PASK: variants seen among roughly 807,000 people sequenced by gnomAD.
PASK encodes PAS domain containing serine/threonine kinase.
In PASK, 110 loss-of-function variants were observed where a neutral mutation model predicts 121.0. The ratio of observed to expected loss-of-function variants is 0.91; its 90% confidence interval spans 0.78 to 1.06. The LOEUF (loss-of-function observed/expected upper bound fraction) is 1.06. Among genes scored for constraint, PASK ranks in the 50% least tolerant of loss-of-function variants. PASK has a pLI of 0.00. For synonymous variants in PASK, 686 were observed against 717.8 expected (o/e 0.96, Z 0.71); for missense variants, 1,643 against 1,702.3 (o/e 0.97, Z 0.61).
At position 241,112,235 on chromosome 2, in the gene PASK, C is replaced by A. The variant is rs557752570; in HGVS notation, c.3533+5G>T. On this transcript the variant is annotated splice_donor_5th_base_variant and intron_variant, in intron 15 of 17. Transcript: ENST00000234040. The surrounding 1 kb of genome is among the most constrained non-coding windows in gnomAD (Gnocchi z 5.2). ...GGACGGGCCGCACCGCAGCCGCATACGTACGGATTCCCCATGAGAACTTCC... is the reference window on the plus strand; with the variant it reads ...GGACGGGCCGCACCGCAGCCGCATAAGTACGGATTCCCCATGAGAACTTCC... 1 of 1,609,536 alleles carries A rather than the reference C, an allele frequency of 6.2e-7. No homozygotes were observed. Among genetic ancestry groups the A allele is most frequent in the Admixed American group, 1.7e-5 (1 of 59,986 alleles).
chr2:241,149,760 C>T (rs2067196497), upstream of PASK: 4 of 1,539,742 alleles, frequency 2.6e-6, no homozygotes, highest in Non-Finnish European at 2.6e-6. Context: ...AGGCGGAGGA[C>T]GCGGGGCGGC....
At chr2:241,107,983 A>T (rs2064956859) in intron 16 of PASK, among the ~76,000 whole-genome samples, 184 bp downstream of exon 16, 1 of 152,254 alleles carries the variant, frequency 6.6e-6, no homozygotes, top group African/African-American at 2.4e-5. Flanking sequence ...AAAGAGGAAC[A>T]TTAACAAAAA....
chr2:241,116,674 T>C (rs772096707), intron 12 of PASK, among the ~76,000 whole-genome samples: 3 of 152,234 alleles, frequency 2.0e-5, no homozygotes, highest in Non-Finnish European at 4.4e-5. Context: ...CAGTCAATGA[T>C]AGTCAAAGTG....
At chr2:241,113,793 G>C (rs2065210636) in intron 14 of PASK, 1 of 985,358 alleles carries the variant, frequency 1.0e-6, no homozygotes, top group South Asian at 4.7e-5. Flanking sequence ...AGCCAGGGCT[G>C]TTCCCAGGCC....
intron 2 of PASK, among the ~76,000 whole-genome samples, chr2:241,141,236 A>G (rs887600647): frequency 6.6e-6 from 1 of 152,198 alleles, no homozygotes; most frequent in Non-Finnish European, 1.5e-5. Flanking sequence ...GCAGCGAGCT[A>G]TGACTGCGCC....
At position 241,138,734 on chromosome 2, in the gene PASK, G is replaced by C; in HGVS notation, c.661C>G (p.Arg221Gly). The C allele has an allele frequency of 6.2e-7, 1 of 1,613,894 alleles. No homozygotes were observed. Among genetic ancestry groups the C allele is most frequent in the South Asian group, 1.1e-5 (1 of 91,088 alleles). The change falls in exon 5 of 18, where the codon CGG (arginine) becomes GGG (glycine). Residue 221 changes from arginine to glycine, a missense_variant. Coordinates refer to ENST00000234040, the MANE Select transcript of PASK (RefSeq NM_015148.4). The part of the protein sequence containing the change: ...IPVSVWMKRM[R>G]QERRLCCVVV... ...ACGCAGCATAGGCGGCGCTCCTGCC[G>C]CATCCTCTTCATCCACACAGACACT...
At chr2:241,146,324 T>C (rs1011136522) in intron 1 of PASK, among the ~76,000 whole-genome samples, 2 of 152,322 alleles carry the variant, frequency 1.3e-5, no homozygotes, top group South Asian at 2.1e-4. Context: ...TTTGTCTATA[T>C]GGATACAGCA....
At chr2:241,118,213 A>T (rs1473256448) in intron 12 of PASK, among the ~76,000 whole-genome samples, 1 of 151,538 alleles carries the variant, frequency 6.6e-6, no homozygotes, top group Non-Finnish European at 1.5e-5. Context: ...AGCCAAAACA[A>T]GCTTGGAAAA....
At chr2:241,140,308 G>A (rs759517437) in intron 3 of PASK, among the ~76,000 whole-genome samples, 2 of 152,108 alleles carry the variant, frequency 1.3e-5, no homozygotes, top group Non-Finnish European at 1.5e-5. Context: ...GGGACTACAG[G>A]TGTGTGCCAC....
chr2:241,114,310 C>T (rs574212515), intron 14 of PASK: 2 of 985,388 alleles, frequency 2.0e-6, no homozygotes, highest in South Asian at 9.4e-5. Context: ...TGTTGATTCA[C>T]GGAAGCTGTC....
upstream of PASK, chr2:241,149,614 C>T (rs36123792): frequency 1.2e-5 from 18 of 1,528,576 alleles, no homozygotes; most frequent in East Asian, 2.4e-5. Context: ...GCACCAAACA[C>T]CCCTACGGCG....
At position 241,115,156 on chromosome 2, in the gene PASK, G is replaced by A; in HGVS notation, c.3220C>T (p.Gln1074Ter). 6.2e-7 allele frequency: 1 copy of A among 1,614,028 alleles called. No homozygotes were observed. The highest frequency in any genetic ancestry group is 8.5e-7 in the Non-Finnish European group (1 of 1,179,958). Residue 1074 changes from glutamine (Q) to a stop codon, truncating the protein, a stop_gained, in exon 14 of 18, where the codon CAA becomes TAA. Transcript: ENST00000234040. LOFTEE classifies it high-confidence loss of function. ...TCCATCACAAGCTGGAAGAACCCTTGGTTTTCAAATATATCCAATACCTAG... is the reference window on the plus strand; with the variant it reads ...TCCATCACAAGCTGGAAGAACCCTTAGTTTTCAAATATATCCAATACCTAG... ...IIKVLDIFEN[Q>*]GFFQLVMEKH...
intron 4 of PASK, 71 bp downstream of exon 4, chr2:241,139,814 A>C: frequency 7.1e-7 from 1 of 1,417,712 alleles, no homozygotes; most frequent in Non-Finnish European, 9.9e-7. Flanking sequence ...CTGGTAGGGA[A>C]CACTGAGCTG....
At position 241,112,131 on chromosome 2, in the gene PASK, C is replaced by G. The variant is rs975631843; in HGVS notation, c.3533+109G>C. On this transcript the variant is annotated intron_variant, in intron 15 of 17. Transcript: ENST00000234040. This position sits in a 1 kb window ranked among gnomAD's most constrained non-coding sequence, Gnocchi z 5.2. ...AGCATATCACCCTGACCACTCAACA[C>G]TCATCACAAAGAGGCACAAAGGAAG... The G allele has an allele frequency of 2.3e-6, 2 of 854,762 alleles. No homozygotes were observed. The highest frequency in any genetic ancestry group is 4.0e-6 in the Non-Finnish European group (2 of 503,324). 52.9% of individuals were successfully genotyped at this position (854,762 alleles called of 1,614,324 possible).
chr2:241,110,233 A>G (rs962771811), intron 15 of PASK, among the ~76,000 whole-genome samples: 7 of 152,262 alleles, frequency 4.6e-5, no homozygotes, highest in Non-Finnish European at 1.0e-4. Context: ...TTCCACGTAT[A>G]GGAGGTCCCT....
At chr2:241,148,744 G>A (rs2067101198) in intron 1 of PASK, among the ~76,000 whole-genome samples, 2 of 152,200 alleles carry the variant, frequency 1.3e-5, no homozygotes, top group Admixed American at 1.3e-4. Context: ...CAGTAATCCA[G>A]GCAAGAAATT....
intron 10 of PASK, among the ~76,000 whole-genome samples, chr2:241,125,556 C>T (rs1410075676): frequency 1.4e-5 from 2 of 146,300 alleles, no homozygotes; most frequent in Admixed American, 6.9e-5. Flanking sequence ...GCTGAGATCG[C>T]GCTACTGCAC....
rs371648413 is a variant in PASK, at chr2:241,142,895, T to G, written c.138A>C (p.Arg46Ser). 5.0e-6 allele frequency: 8 copies of G among 1,614,070 alleles called. No individual in the cohort carries two copies. Among genetic ancestry groups the G allele is most frequent in the Non-Finnish European group, 6.8e-6 (8 of 1,179,976 alleles). The change falls in exon 2 of 18, where the codon AGA becomes AGC. Residue 46 changes from arginine to serine, a missense_variant. By Grantham distance (110) the Arg-to-Ser change is moderately radical. Coordinates refer to ENST00000234040, the MANE Select transcript of PASK (RefSeq NM_015148.4). ...AAAGCCCATTCCTTCTGCTCAGGTGTCTGTGGGCTGAGGAAAACGACCTGC... is the reference window on the plus strand; with the variant it reads ...AAAGCCCATTCCTTCTGCTCAGGTGGCTGTGGGCTGAGGAAAACGACCTGC... Reference protein sequence around the residue: ...EPSRSFSSAHRHLSRRNGLSR... With the variant: ...EPSRSFSSAHSHLSRRNGLSR...
chr2:241,140,500 A>G, intron 3 of PASK, 21 bp downstream of exon 3: 1 of 1,498,122 alleles, frequency 6.7e-7, no homozygotes, highest in Non-Finnish European at 9.3e-7. Context: ...ACACAGCTGG[A>G]TCTAAAAGAG....
Sources: allele counts gnomAD v4.1 joint callset (sites outside exome capture counted in the v4.1 genomes callset), GRCh38; gene constraint gnomAD v4.1.1; non-coding constraint Gnocchi (gnomAD v3.1); transcripts MANE v1.5; gene names NCBI Gene and HGNC (gene_info 2026-07-23, HGNC 2026-07-21).